Variants in ANO2 observed in about 807,000 individuals in gnomAD.
ANO2 encodes the protein anoctamin-2.
A neutral mutation model predicts 124.2 loss-of-function variants in ANO2; 101 were observed. The observed-to-expected ratio is 0.81, with a 90% CI of 0.69 to 0.96. The LOEUF is 0.96. Ranked by LOEUF, ANO2 falls within the 40% of genes least tolerant of loss-of-function variation. ANO2 has a pLI of 0.00. For synonymous variants in ANO2, 486 were observed against 482.5 expected, an observed-to-expected ratio of 1.01 and a Z score of -0.09; for missense variants, 1,293 against 1,274.5, an observed-to-expected ratio of 1.01 and a Z score of -0.22.
intron 16 of ANO2, among the ~76,000 whole-genome samples, chr12:5,626,037 A>G (rs1945382104): frequency 6.6e-6 from 1 of 152,142 alleles, no homozygotes; most frequent in Non-Finnish European, 1.5e-5. Context: ...CACTGCAGAG[A>G]TTTGCACATT....
chr12:5,566,563 C>T (rs1308646439), intron 23 of ANO2, among the ~76,000 whole-genome samples: 1 of 152,168 alleles, frequency 6.6e-6, no homozygotes, highest in Non-Finnish European at 1.5e-5. Flanking sequence ...TCATCCTGGG[C>T]CAGAGAAAGA....
At chr12:5,860,985 T>G (rs943277297) in intron 3 of ANO2, among the ~76,000 whole-genome samples, 15 of 152,180 alleles carry the variant, frequency 9.9e-5, no homozygotes, top group African/African-American at 3.6e-4. Context: ...AGCATTAGAC[T>G]GCCATGATGC....
chr12:5,807,452 C>T, intron 7 of ANO2, 84 bp from the exon 8 acceptor site: 1 of 1,179,754 alleles, frequency 8.5e-7, no homozygotes, highest in Non-Finnish European at 1.2e-6. Flanking sequence ...AATAAGCTTT[C>T]ACATGCCCCC....
chr12:5,773,594 C>T (rs1952145595), intron 10 of ANO2, among the ~76,000 whole-genome samples: 1 of 152,182 alleles, frequency 6.6e-6, no homozygotes, highest in Non-Finnish European at 1.5e-5. Context: ...ATTCCTAATT[C>T]AGTTATGGAT....
rs1041561247 is a variant in ANO2, at chr12:5,636,167, C to A, written c.1621-820G>T. Among the ~76,000 whole-genome samples, 5 of 152,150 alleles carry A rather than the reference C, an allele frequency of 3.3e-5. No individual in the cohort carries two copies. Among genetic ancestry groups the A allele is most frequent in the Non-Finnish European group, 7.3e-5 (5 of 68,034 alleles). ...CCACGTGACCTCTAAGGGTTCCCCT[C>A]ATTTCCTCTCTCTAGAACCTAAGAA... is the stretch of plus-strand genomic sequence containing the variant. On this transcript the variant is annotated intron_variant, in intron 15 of 24. Coordinates refer to ENST00000682330, the MANE Select transcript of ANO2 (RefSeq NM_001364791.2). This position sits in a 1 kb window ranked among gnomAD's most constrained non-coding sequence, Gnocchi z 4.6.
intron 10 of ANO2, among the ~76,000 whole-genome samples, chr12:5,784,551 C>A (rs976607971): frequency 6.6e-6 from 1 of 152,200 alleles, no homozygotes; most frequent in African/African-American, 2.4e-5. Context: ...AAACTTAAGT[C>A]CCCATCAGAG....
intron 7 of ANO2, among the ~76,000 whole-genome samples, chr12:5,818,492 T>C (rs1213453331): frequency 1.1e-5 from 1 of 92,014 alleles, no homozygotes; most frequent in Non-Finnish European, 2.5e-5. Context: ...TATATATATA[T>C]ATGGATATGT....
At chr12:5,864,809 C>T (rs900064886) in intron 3 of ANO2, among the ~76,000 whole-genome samples, 4 of 152,176 alleles carry the variant, frequency 2.6e-5, no homozygotes, top group Non-Finnish European at 5.9e-5. Flanking sequence ...ACAGGATCAA[C>T]CTGTGAGCAC....
chr12:5,854,771 G>C (rs551264531), intron 3 of ANO2, among the ~76,000 whole-genome samples: 2 of 152,270 alleles, frequency 1.3e-5, no homozygotes, highest in Admixed American at 6.5e-5. Context: ...GTTGTGTGTT[G>C]ATTTCTCTCA....
intron 21 of ANO2, 31 bp downstream of exon 21, chr12:5,578,335 G>A (rs2136841989): frequency 4.4e-6 from 7 of 1,605,352 alleles, no homozygotes; most frequent in Non-Finnish European, 6.0e-6. Flanking sequence ...AGAAGGATGG[G>A]CCTGGTGGGG....
chr12:5,812,305 G>GAGGA (rs528082792), intron 7 of ANO2, among the ~76,000 whole-genome samples: 42 of 119,592 alleles, frequency 3.5e-4, no homozygotes, highest in African/African-American at 1.0e-3. Flanking sequence ...AAAGAAAGAA[G>GAGGA]AGGAAGGAAG....
rs115371987 is a variant in ANO2 at position 5,681,440 on chromosome 12, C to T, written c.1546-33639G>A. Among the ~76,000 whole-genome samples the T allele has an allele frequency of 9.7e-3, 1,476 of 152,298 alleles. 28 individuals carry two copies. The highest frequency in any genetic ancestry group is 0.034 in the African/African-American group (1,396 of 41,556). On this transcript the variant is annotated intron_variant, in intron 14 of 24. Coordinates refer to ENST00000682330, the MANE Select transcript of ANO2 (RefSeq NM_001364791.2). ...TGCCCAAGGTGCAGCCAATATCCCACCAGGATGAGGCCAAAGCAGAGTGTC... is the reference window on the plus strand; with the variant it reads ...TGCCCAAGGTGCAGCCAATATCCCATCAGGATGAGGCCAAAGCAGAGTGTC...
rs150071000 is a variant in ANO2 at position 5,606,133 on chromosome 12, G to T, written c.2088-6504C>A. 5.0e-3 allele frequency among the ~76,000 whole-genome samples: 761 copies of T among 152,296 alleles called. 6 individuals are homozygous for T. The highest frequency in any genetic ancestry group is 0.017 in the African/African-American group (701 of 41,544). On this transcript the variant is annotated intron_variant, in intron 19 of 24. Coordinates refer to ENST00000682330, the MANE Select transcript of ANO2 (RefSeq NM_001364791.2). ...CTCTAAGCCAGGCCTAGCAATGATG[G>T]GGGCGGCTGCTGCCTGATGGAAGAT...
At chr12:5,674,442 C>T (rs1392308120) in intron 14 of ANO2, among the ~76,000 whole-genome samples, 1 of 152,186 alleles carries the variant, frequency 6.6e-6, no homozygotes, top group Non-Finnish European at 1.5e-5. Context: ...CCACGCACAA[C>T]CATGAGAAAT....
rs199984733 is a variant in ANO2, at chr12:5,799,566, T to C, written c.996A>G (p.Leu332=). ...CTCCATAGCGCGCCCATTCTTGATA[T>C]AGCAGCTAAACAAAGAAAATAAGGA... is the stretch of plus-strand genomic sequence containing the variant. ...PEDDMNDRKL[L]YQEWARYGVF... The change falls in exon 10 of 25, where the codon CTA becomes CTG. Residue 332 remains leucine, a synonymous_variant. Coordinates refer to ENST00000682330, the MANE Select transcript of ANO2 (RefSeq NM_001364791.2). 7.9e-5 allele frequency: 127 copies of C among 1,613,786 alleles called. No individual in the cohort carries two copies. Among genetic ancestry groups the C allele is most frequent in the South Asian group, 3.3e-4 (30 of 91,028 alleles).
intron 14 of ANO2, among the ~76,000 whole-genome samples, chr12:5,729,838 G>A (rs967751361): frequency 2.0e-5 from 3 of 152,106 alleles, no homozygotes; most frequent in African/African-American, 4.8e-5. Context: ...ATAAAAGAAC[G>A]AAGTACTGAT....
chr12:5,883,237 C>G (rs1028107629), intron 3 of ANO2, among the ~76,000 whole-genome samples: 2 of 152,144 alleles, frequency 1.3e-5, no homozygotes, highest in African/African-American at 4.8e-5. Flanking sequence ...AGAGCATACA[C>G]CCCCTCCATT....
chr12:5,709,705 A>G (rs573850263), intron 14 of ANO2, among the ~76,000 whole-genome samples: 1 of 152,308 alleles, frequency 6.6e-6, no homozygotes, highest in South Asian at 2.1e-4. Flanking sequence ...TTGAGAGTCT[A>G]TTCATATTTT....
chr12:5,892,067 G>GAA lies in ANO2; in HGVS notation c.534+28971_534+28972dup, dbSNP rs371460304. 3.6e-3 allele frequency among the ~76,000 whole-genome samples: 523 copies of GAA among 145,078 alleles called. 3 individuals carry two copies. Among genetic ancestry groups the GAA allele is most frequent in the African/African-American group, 0.013 (509 of 39,704 alleles). On this transcript the variant is annotated intron_variant, in intron 3 of 24. Transcript: ENST00000682330. Reference sequence around the variant, plus strand: ...AAATGAATAGAAAGAGACATTTTCAGAAAAAAAAAATAGAAGACATAAAAA... The same window carrying GAA: ...AAATGAATAGAAAGAGACATTTTCAGAAAAAAAAAAAATAGAAGACATAAAAA...
Sources: gnomAD v4.1 joint callset for allele counts (sites outside exome capture counted in the v4.1 genomes callset) on GRCh38, gnomAD v4.1.1 for gene constraint, Gnocchi (gnomAD v3.1) non-coding constraint, MANE v1.5 for transcripts, NCBI Gene and HGNC (gene_info 2026-07-23, HGNC 2026-07-21) for gene names.